CDH4: variants seen among roughly 807,000 people sequenced by gnomAD.
The protein encoded by CDH4 is cadherin 4, also known as cadherin-4.
CDH4 carries 33 observed loss-of-function variants against 86.0 expected under a neutral mutation model. That is an observed-to-expected ratio of 0.38 (90% confidence interval 0.29 to 0.51). The LOEUF is 0.51. CDH4 is among the 20% of genes least tolerant of loss of function. The probability of loss-of-function intolerance (pLI) is 0.86; values close to 1 mark genes in which losing one functional copy is unlikely to be tolerated. For synonymous variants in CDH4, 555 were observed against 549.4 expected, an observed-to-expected ratio of 1.01 and a Z score of -0.14; for missense variants, 1,114 against 1,307.4, an observed-to-expected ratio of 0.85 and a Z score of 2.28.
At chr20:61,526,297 T>A (rs780439417) in intron 2 of CDH4, among the ~76,000 whole-genome samples, 20 of 152,004 alleles carry the variant, frequency 1.3e-4, no homozygotes, top group Non-Finnish European at 1.2e-4. Context: ...TCCAAGGACT[T>A]AACTTTATGC....
chr20:61,296,286 T>TGTGTGTGTGGGTGTGTGC (rs1568786636), intron 2 of CDH4, among the ~76,000 whole-genome samples: 2 of 128,312 alleles, frequency 1.6e-5, no homozygotes, highest in African/African-American at 5.8e-5. Flanking sequence ...CGTGGGTGCG[T>TGTGTGTGTGGGTGTGTGC]GTGTGTGTGT....
At position 61,275,524 on chromosome 20, in the gene CDH4, A is replaced by C. The variant is rs369669959; in HGVS notation, c.169+20587A>C. Among the ~76,000 whole-genome samples, 14 of 74,252 alleles carry C rather than the reference A, an allele frequency of 1.9e-4. 1 individual carries two copies. The East Asian group carries it at 2.7e-3, about 14-fold the overall frequency. 48.7% of individuals were successfully genotyped at this position (74,252 alleles called of 152,430 possible). On this transcript the variant is annotated intron_variant, in intron 2 of 15. Transcript: ENST00000614565. ...ACTGTGTGCAGTTTGGGGGAGTACC[A>C]TGCACAGTTTGGGGGAGTACCCTGC...
chr20:61,698,845 G>A (rs1370924241), intron 2 of CDH4, among the ~76,000 whole-genome samples: 1 of 152,228 alleles, frequency 6.6e-6, no homozygotes, highest in Non-Finnish European at 1.5e-5. Flanking sequence ...TTTTGTGTCC[G>A]CCTGATGTCG....
chr20:61,281,609 G>C (rs2084259463), intron 2 of CDH4, among the ~76,000 whole-genome samples: 1 of 152,228 alleles, frequency 6.6e-6, no homozygotes, highest in Non-Finnish European at 1.5e-5. Context: ...CCTCCCGGCA[G>C]CCATACATGG....
chr20:61,667,245 A>G (rs918194257), intron 2 of CDH4, among the ~76,000 whole-genome samples: 4 of 152,228 alleles, frequency 2.6e-5, no homozygotes. Context: ...GCAACCAGGT[A>G]TGTGGAGAAA....
chr20:61,524,315 A>T (rs1195976184), intron 2 of CDH4, among the ~76,000 whole-genome samples: 5 of 152,166 alleles, frequency 3.3e-5, no homozygotes, highest in African/African-American at 1.2e-4. Flanking sequence ...AAAGCTGGAG[A>T]AGACCTGGAC....
At chr20:61,600,715 C>T (rs1568706694) in intron 2 of CDH4, among the ~76,000 whole-genome samples, 1 of 152,236 alleles carries the variant, frequency 6.6e-6, no homozygotes, top group Non-Finnish European at 1.5e-5. Flanking sequence ...AAGTAACCTA[C>T]ACACATCCTT....
At chr20:61,605,498 C>A (rs573461855) in intron 2 of CDH4, among the ~76,000 whole-genome samples, 1 of 150,740 alleles carries the variant, frequency 6.6e-6, no homozygotes, top group South Asian at 2.1e-4. Context: ...TCTCTCCCCC[C>A]ATGTCTCTCC....
intron 2 of CDH4, among the ~76,000 whole-genome samples, chr20:61,354,335 A>G (rs2084733756): frequency 1.3e-5 from 2 of 152,122 alleles, no homozygotes; most frequent in African/African-American, 4.8e-5. Flanking sequence ...TCTCCTTTGA[A>G]TTCCAAGACT....
intron 4 of CDH4, among the ~76,000 whole-genome samples, chr20:61,812,545 A>G: frequency 6.6e-6 from 1 of 152,088 alleles, no homozygotes; most frequent in East Asian, 1.9e-4. Flanking sequence ...AATTTCAGCC[A>G]CCATACCTGG....
intron 2 of CDH4, among the ~76,000 whole-genome samples, chr20:61,395,901 C>T (rs2085014147): frequency 6.6e-6 from 1 of 152,198 alleles, no homozygotes; most frequent in Admixed American, 6.5e-5. Context: ...TGATAGCCAG[C>T]ATTGATCCAT....
intron 2 of CDH4, among the ~76,000 whole-genome samples, chr20:61,288,235 T>G (rs1435641242): frequency 6.6e-6 from 1 of 152,136 alleles, no homozygotes; most frequent in Non-Finnish European, 1.5e-5. Flanking sequence ...ATTGGCTGTA[T>G]TTTCTGAGTG....
Position 61,659,785 on chromosome 20 carries a change from C to T in CDH4, c.170-83778C>T, listed in dbSNP as rs184026474. ...GGAGGCAGGAGGAGGGGTGGGCCTC[C>T]GGCCCAGGAGCTGGGGCAGGCTGCT... is the stretch of plus-strand genomic sequence containing the variant. On this transcript the variant is annotated intron_variant, in intron 2 of 15. Transcript: ENST00000614565. Among the ~76,000 whole-genome samples the T allele has an allele frequency of 7.0e-4, 107 of 152,142 alleles. 1 individual carries two copies. Among genetic ancestry groups the T allele is most frequent in the Non-Finnish European group, 1.1e-3 (73 of 67,990 alleles).
chr20:61,545,783 A>G (rs2086074020), intron 2 of CDH4, among the ~76,000 whole-genome samples: 1 of 146,850 alleles, frequency 6.8e-6, no homozygotes, highest in Admixed American at 6.7e-5. Context: ...GTGTGTGTGC[A>G]TGTGTTTGGG....
intron 2 of CDH4, among the ~76,000 whole-genome samples, chr20:61,311,094 A>C (rs2084443021): frequency 6.6e-6 from 1 of 152,154 alleles, no homozygotes; most frequent in Non-Finnish European, 1.5e-5. Context: ...CATACAGTGA[A>C]GCGAACCTCC....
At chr20:61,308,167 T>C (rs2084427481) in intron 2 of CDH4, among the ~76,000 whole-genome samples, 1 of 152,220 alleles carries the variant, frequency 6.6e-6, no homozygotes. Context: ...CTTTCGTCTT[T>C]TTATGGCCCC....
intron 2 of CDH4, among the ~76,000 whole-genome samples, chr20:61,494,988 G>T (rs562925077): frequency 3.3e-5 from 5 of 152,366 alleles, no homozygotes; most frequent in Non-Finnish European, 5.9e-5. Flanking sequence ...GGCTGGAAGA[G>T]GACTATCCAC....
intron 3 of CDH4, among the ~76,000 whole-genome samples, chr20:61,753,950 A>T (rs1455556530): frequency 6.6e-6 from 1 of 152,166 alleles, no homozygotes; most frequent in Non-Finnish European, 1.5e-5. Context: ...AGTGAAGAAG[A>T]AGTGATTAGC....
At chr20:61,409,932 C>A (rs543661542) in intron 2 of CDH4, among the ~76,000 whole-genome samples, 1 of 152,366 alleles carries the variant, frequency 6.6e-6, no homozygotes, top group African/African-American at 2.4e-5. Context: ...CTTGCCCAGG[C>A]CTCCTAGTCA....
Sources: allele counts gnomAD v4.1 joint callset (sites outside exome capture counted in the v4.1 genomes callset), GRCh38; gene constraint gnomAD v4.1.1; transcripts MANE v1.5; gene names NCBI Gene and HGNC (gene_info 2026-07-23, HGNC 2026-07-21).